The following IL1RL1 variants were observed in gnomAD, a reference collection of about 807,000 sequenced individuals.
IL1RL1 encodes the protein interleukin 1 receptor like 1.
Under a neutral mutation model 50.9 loss-of-function variants are expected in IL1RL1, and 32 were observed. The ratio of observed to expected loss-of-function variants is 0.63; its 90% CI spans 0.47 to 0.84. The LOEUF (loss-of-function observed/expected upper bound fraction) is 0.84, where lower values mean the gene tolerates loss of function less well. Among genes scored for constraint, IL1RL1 ranks in the 40% least tolerant of loss-of-function variants. IL1RL1 has a pLI of 0.00. For missense variants in IL1RL1, 773 were observed against 662.9 expected, an observed-to-expected ratio of 1.17 and a Z score of -1.82; for synonymous variants, 275 against 236.0, an observed-to-expected ratio of 1.17 and a Z score of -1.51.
chr2:102,340,567 T>A (rs1573152948), intron 4 of IL1RL1, 99 bp from the exon 5 acceptor site: 1 of 1,225,550 alleles, frequency 8.2e-7, no homozygotes. Flanking sequence ...GAGCCCAGAT[T>A]GCACCACTCA....
At chr2:102,317,455 C>G (rs1676711385) in intron 1 of IL1RL1, among the ~76,000 whole-genome samples, 2 of 152,202 alleles carry the variant, frequency 1.3e-5, no homozygotes, top group Admixed American at 1.3e-4. Context: ...AAATGTAATT[C>G]ATAAACTCAC....
intron 9 of IL1RL1, 76 bp from the exon 10 acceptor site, chr2:102,349,003 G>A (rs1677859761): frequency 6.3e-6 from 7 of 1,108,282 alleles, no homozygotes; most frequent in Non-Finnish European, 9.5e-6. Flanking sequence ...AAAACTTGGA[G>A]AGGAATGTCT....
At chr2:102,346,684 CT>C (rs1377936932) in intron 8 of IL1RL1, among the ~76,000 whole-genome samples, 1 of 152,168 alleles carries the variant, frequency 6.6e-6, no homozygotes, top group Non-Finnish European at 1.5e-5. Flanking sequence ...ATTATTTAAC[CT>C]GATGACAGTA....
At chr2:102,312,028 TTATATATTA>T (rs1676527203) in intron 1 of IL1RL1, among the ~76,000 whole-genome samples, 1 of 49,958 alleles carries the variant, frequency 2.0e-5, no homozygotes, top group Non-Finnish European at 3.6e-5. Flanking sequence ...ATAATATATA[TTATATATTA>T]AATATTATAT....
intron 10 of IL1RL1, among the ~76,000 whole-genome samples, 154 bp downstream of exon 10, chr2:102,349,400 T>C (rs1045196667): frequency 9.2e-5 from 14 of 152,310 alleles, no homozygotes; most frequent in East Asian, 3.9e-4. Flanking sequence ...CAGACACTTA[T>C]CCTTCAATCG....
At chr2:102,350,195 G>A (rs1677889456) in intron 10 of IL1RL1, among the ~76,000 whole-genome samples, 1 of 152,226 alleles carries the variant, frequency 6.6e-6, no homozygotes, top group Non-Finnish European at 1.5e-5. Flanking sequence ...TAGAAGTAAT[G>A]AGTAATGCTC....
chr2:102,338,608 G>A (rs750900855), intron 2 of IL1RL1, among the ~76,000 whole-genome samples: 2 of 152,196 alleles, frequency 1.3e-5, no homozygotes, highest in Non-Finnish European at 2.9e-5. Flanking sequence ...CACACAGTTT[G>A]TTTAGATAGA....
chr2:102,342,695 G>C (rs556178561), intron 6 of IL1RL1, among the ~76,000 whole-genome samples: 1 of 152,198 alleles, frequency 6.6e-6, no homozygotes, highest in Non-Finnish European at 1.5e-5. Flanking sequence ...GAAGAGGGCA[G>C]TTGGAAAGAA....
intron 6 of IL1RL1, 121 bp downstream of exon 6, chr2:102,342,415 G>T: frequency 1.5e-6 from 1 of 670,472 alleles, no homozygotes; most frequent in East Asian, 2.6e-5. Context: ...AGGAGTAAGT[G>T]AGGTGACATC....
intron 8 of IL1RL1, chr2:102,345,819 C>A: frequency 1.0e-6 from 1 of 985,462 alleles, no homozygotes. Flanking sequence ...CATCAAGGTG[C>A]TATGTGAGGG....
intron 3 of IL1RL1, among the ~76,000 whole-genome samples, chr2:102,339,881 A>G (rs1677474308): frequency 1.3e-5 from 2 of 152,200 alleles, no homozygotes; most frequent in Non-Finnish European, 2.9e-5. Flanking sequence ...TGAAGAAGTC[A>G]TTGTTAGGGC....
rs201612691 is a variant in IL1RL1 at position 102,351,773 on chromosome 2, G to C, written c.1523G>C (p.Gly508Ala). ...CTCCAGCATCTTATGAAAGTACAGG[G>C]GACCATCAAGTGGAGGGAGGACCAC... ...DSLQHLMKVQ[G>A]TIKWREDHIA... Residue 508 changes from glycine (G) to alanine (A), a missense_variant, in exon 11 of 11, where the codon GGG becomes GCG. Transcript: ENST00000233954. 2 of 1,614,044 alleles carry C rather than the reference G, an allele frequency of 1.2e-6. No homozygotes were observed. Among genetic ancestry groups the C allele is most frequent in the East Asian group, 4.5e-5 (2 of 44,880 alleles).
At chr2:102,347,680 T>A (rs981088520) in intron 8 of IL1RL1, among the ~76,000 whole-genome samples, 4 of 152,168 alleles carry the variant, frequency 2.6e-5, no homozygotes, top group Non-Finnish European at 5.9e-5. Flanking sequence ...CCAGCAAAAA[T>A]CATGCTTTTG....
intron 1 of IL1RL1, among the ~76,000 whole-genome samples, chr2:102,329,969 C>T (rs1434165075): frequency 3.3e-5 from 5 of 152,174 alleles, no homozygotes; most frequent in Non-Finnish European, 7.3e-5. Context: ...TACCATTTGA[C>T]TCAGCCATCC....
intron 1 of IL1RL1, among the ~76,000 whole-genome samples, chr2:102,315,922 C>T (rs1168208439): frequency 6.6e-6 from 1 of 152,130 alleles, no homozygotes; most frequent in East Asian, 1.9e-4. Flanking sequence ...GGAGTATTTT[C>T]AGGAAATTAG....
intron 1 of IL1RL1, among the ~76,000 whole-genome samples, chr2:102,326,364 G>A (rs2104969645): frequency 6.6e-6 from 1 of 152,214 alleles, no homozygotes; most frequent in Middle Eastern, 3.4e-3. Flanking sequence ...ACTAAACATG[G>A]AAAGGAACAA....
chr2:102,336,234 A>T (rs1015207442), intron 1 of IL1RL1, among the ~76,000 whole-genome samples: 1 of 152,112 alleles, frequency 6.6e-6, no homozygotes, highest in East Asian at 1.9e-4. Flanking sequence ...TCAAATTCTG[A>T]CTTCACCCCT....
chr2:102,335,573 A>G (rs1484321819), intron 1 of IL1RL1, among the ~76,000 whole-genome samples: 1 of 152,220 alleles, frequency 6.6e-6, no homozygotes, highest in Non-Finnish European at 1.5e-5. Flanking sequence ...TAATTGTCAA[A>G]TGAACAACTG....
chr2:102,336,346 G>A (rs1043590869), intron 1 of IL1RL1, among the ~76,000 whole-genome samples: 1 of 152,196 alleles, frequency 6.6e-6, no homozygotes, highest in African/African-American at 2.4e-5. Flanking sequence ...CATTGGGTGA[G>A]TGTGAGAATG....
Sources: gnomAD v4.1 joint callset for allele counts (sites outside exome capture counted in the v4.1 genomes callset) on GRCh38, gnomAD v4.1.1 for gene constraint, MANE v1.5 for transcripts, NCBI Gene and HGNC (gene_info 2026-07-23, HGNC 2026-07-21) for gene names.